The following FBN2 variants were observed in gnomAD, a reference collection of about 807,000 sequenced individuals.
FBN2 encodes the protein fibrillin-2.
A neutral mutation model predicts 355.6 loss-of-function variants in FBN2; 105 were observed. The observed-to-expected ratio is 0.30, with a 90% confidence interval of 0.25 to 0.35. The LOEUF (loss-of-function observed/expected upper bound fraction) is 0.35, where lower values mean the gene tolerates loss of function less well. Ranked by LOEUF, FBN2 falls within the 10% of genes least tolerant of loss-of-function variation. FBN2 has a pLI of 1.00. For missense variants in FBN2, 3,280 were observed against 3,758.7 expected, an observed-to-expected ratio of 0.87 and a Z score of 3.33; for synonymous variants, 1,350 against 1,301.2, an observed-to-expected ratio of 1.04 and a Z score of -0.81.
At chr5:128,399,375 A>G (rs1307861190) in intron 8 of FBN2, among the ~76,000 whole-genome samples, 1 of 152,218 alleles carries the variant, frequency 6.6e-6, no homozygotes, top group Non-Finnish European at 1.5e-5. Flanking sequence ...GTATACTCTG[A>G]TAAAATAACT....
intron 2 of FBN2, among the ~76,000 whole-genome samples, chr5:128,534,453 G>A (rs531028970): frequency 2.0e-5 from 3 of 152,134 alleles, no homozygotes; most frequent in Non-Finnish European, 4.4e-5. Context: ...TCCCTATTTT[G>A]TGCACTGTTT....
At chr5:128,409,267 T>C (rs1290385198) in intron 7 of FBN2, among the ~76,000 whole-genome samples, 2 of 152,204 alleles carry the variant, frequency 1.3e-5, no homozygotes, top group African/African-American at 4.8e-5. Flanking sequence ...CTTCAGGATA[T>C]GTTTTTGTAC....
Position 128,309,328 on chromosome 5 carries a change from T to C in FBN2, c.5272A>G (p.Thr1758Ala). The change falls in exon 41 of 65, where the codon ACA becomes GCA. Residue 1758 changes from threonine (T) to alanine (A), a missense_variant. Physicochemically the swap from Thr to Ala is moderately conservative, Grantham distance 58 (BLOSUM62 0). Around this residue, in one of 6 missense-constraint regions of FBN2, gnomAD observed 2,284 missense variants for 2,749.5 expected, o/e 0.83. Transcript: ENST00000262464. ...TCENELPFNV[T>A]KRMCCCTYNV... ...TATGTGCAGCAGCACATCCTTTTTGTCACATTGAAAGGCAACTCATTCTCA... is the reference window on the plus strand; with the variant it reads ...TATGTGCAGCAGCACATCCTTTTTGCCACATTGAAAGGCAACTCATTCTCA... 1 of 1,614,100 alleles carries C rather than the reference T, an allele frequency of 6.2e-7. No individual in the cohort carries two copies. Among genetic ancestry groups the C allele is most frequent in the South Asian group, 1.1e-5 (1 of 91,086 alleles).
intron 5 of FBN2, among the ~76,000 whole-genome samples, chr5:128,481,421 T>C (rs1183523492): frequency 2.6e-5 from 4 of 152,170 alleles, no homozygotes; most frequent in East Asian, 3.9e-4. Flanking sequence ...CAGGAGACTA[T>C]GCGTCATGCC....
chr5:128,289,034 C>A, intron 52 of FBN2, 93 bp downstream of exon 52: 2 of 1,299,856 alleles, frequency 1.5e-6, no homozygotes, highest in African/African-American at 1.5e-5. Flanking sequence ...ATTTGTAAAT[C>A]CCCCCATCAC....
intron 1 of FBN2, among the ~76,000 whole-genome samples, chr5:128,536,981 C>T (rs1253088249): frequency 1.3e-5 from 2 of 152,128 alleles, no homozygotes; most frequent in Non-Finnish European, 2.9e-5. Context: ...AGCGGCGGCC[C>T]CGACGTGGGG....
chr5:128,264,336 C>T (rs1765063508), intron 62 of FBN2, among the ~76,000 whole-genome samples: 3 of 9,718 alleles, frequency 3.1e-4, no homozygotes, highest in African/African-American at 2.1e-3. Flanking sequence ...ATCAGTTGAA[C>T]GAACAACTAG....
intron 7 of FBN2, among the ~76,000 whole-genome samples, chr5:128,432,899 G>C (rs532047020): frequency 9.9e-5 from 15 of 152,032 alleles, no homozygotes; most frequent in East Asian, 3.9e-4. Context: ...CATGGCAGAA[G>C]AAGAGGCACA....
intron 6 of FBN2, among the ~76,000 whole-genome samples, chr5:128,453,998 C>T (rs577448973): frequency 1.3e-4 from 20 of 151,548 alleles, no homozygotes; most frequent in South Asian, 4.2e-4. Context: ...TTGCCCCCCC[C>T]CCAAGTTTCT....
Position 128,338,029 on chromosome 5 carries a change from T to G in FBN2, c.3566A>C (p.His1189Pro), listed in dbSNP as rs863223566. Residue 1189 changes from histidine to proline, a missense_variant, in exon 27 of 65, where the codon CAC becomes CCC. Around this residue, in one of 6 missense-constraint regions of FBN2, gnomAD observed 2,284 missense variants for 2,749.5 expected, o/e 0.83. Coordinates refer to ENST00000262464, the MANE Select transcript of FBN2 (RefSeq NM_001999.4). ...GSFQCDCPLG[H>P]ELSPSREDCV... The stretch of plus-strand genomic sequence containing the variant: ...GTCCTCACGGGATGGTGACAGCTCG[T>G]GTCCCAGTGGGCAGTCACACTGAAA... 1 of 1,614,146 alleles carries G rather than the reference T, an allele frequency of 6.2e-7. No homozygotes were observed. The highest frequency in any genetic ancestry group is 8.5e-7 in the Non-Finnish European group (1 of 1,179,990).
In FBN2 at chr5:128,537,380, C is replaced by T; in HGVS notation, c.224G>A (p.Arg75His). Residue 75 changes from arginine to histidine, a missense_variant, in exon 1 of 65, where the codon CGC (arginine) becomes CAC (histidine). Around this residue, in one of 6 missense-constraint regions of FBN2, gnomAD observed 203 missense variants for 142.2 expected, o/e 1.43. Coordinates refer to ENST00000262464, the MANE Select transcript of FBN2 (RefSeq NM_001999.4). ...EEGAAVASRV[R>H]RRGQQDVLRG... The stretch of plus-strand genomic sequence containing the variant: ...GAGCACGTCCTGCTGTCCTCGCCGG[C>T]GGACGCGGCTGGCCACTGCGGCACC... The T allele has an allele frequency of 6.2e-7, 1 of 1,610,690 alleles. No homozygotes were observed. Among genetic ancestry groups the T allele is most frequent in the East Asian group, 2.2e-5 (1 of 44,842 alleles).
chr5:128,402,602 G>C (rs1752825527), intron 8 of FBN2, among the ~76,000 whole-genome samples: 1 of 152,194 alleles, frequency 6.6e-6, no homozygotes, highest in African/African-American at 2.4e-5. Flanking sequence ...ATTGGGGATT[G>C]TATGTTGAAA....
intron 1 of FBN2, 75 bp from the exon 2 acceptor site, chr5:128,536,559 A>G: frequency 2.0e-6 from 2 of 997,440 alleles, no homozygotes; most frequent in South Asian, 1.3e-5. Flanking sequence ...TTCGTAAGCA[A>G]TGCCCCGAGC....
At chr5:128,480,869 C>T (rs559313218) in intron 5 of FBN2, among the ~76,000 whole-genome samples, 1 of 150,256 alleles carries the variant, frequency 6.7e-6, no homozygotes, top group South Asian at 2.1e-4. Flanking sequence ...AGTGATATCG[C>T]AAGACTAAAG....
At chr5:128,513,721 T>TC (rs1756195858) in intron 5 of FBN2, among the ~76,000 whole-genome samples, 1 of 152,230 alleles carries the variant, frequency 6.6e-6, no homozygotes, top group Non-Finnish European at 1.5e-5. Context: ...TTTAAGTCCT[T>TC]CCTTTATACA....
intron 48 of FBN2, among the ~76,000 whole-genome samples, chr5:128,293,702 C>T (rs1749401956): frequency 6.6e-6 from 1 of 152,024 alleles, no homozygotes; most frequent in Admixed American, 6.6e-5. Context: ...TTCTATTTCC[C>T]TCCTAGTGGC....
intron 6 of FBN2, among the ~76,000 whole-genome samples, chr5:128,456,001 A>AAAAAAC (rs1754379352): frequency 7.4e-6 from 1 of 135,452 alleles, no homozygotes; most frequent in Non-Finnish European, 1.6e-5. Flanking sequence ...AAAAAAAAAA[A>AAAAAAC]AAAAAAAAAA....
At chr5:128,471,907 G>C (rs1754871127) in intron 5 of FBN2, among the ~76,000 whole-genome samples, 1 of 152,116 alleles carries the variant, frequency 6.6e-6, no homozygotes, top group African/African-American at 2.4e-5. Context: ...ACTTTAAAAA[G>C]ATATCTGATG....
chr5:128,349,382 C>T lies in FBN2; in HGVS notation c.2954G>A (p.Gly985Asp). The T allele has an allele frequency of 1.9e-6, 3 of 1,614,076 alleles. No individual in the cohort carries two copies. Among genetic ancestry groups the T allele is most frequent in the Non-Finnish European group, 2.5e-6 (3 of 1,180,010 alleles). The change falls in exon 23 of 65, where the codon GGC becomes GAC. Residue 985 changes from glycine to aspartate, a missense_variant. Around this residue, in one of 6 missense-constraint regions of FBN2, gnomAD observed 2,284 missense variants for 2,749.5 expected, o/e 0.83. Transcript: ENST00000262464. ...ACGGCCAGTCCCATCCAACGTAAGGCCTTCAGGGCACTCGCAATGAAAAGA... is the reference window on the plus strand; with the variant it reads ...ACGGCCAGTCCCATCCAACGTAAGGTCTTCAGGGCACTCGCAATGAAAAGA... Reference protein sequence around the residue: ...KGSFHCECPEGLTLDGTGRVC... With the variant: ...KGSFHCECPEDLTLDGTGRVC...
Sources: gnomAD v4.1 joint callset for allele counts (sites outside exome capture counted in the v4.1 genomes callset) on GRCh38, gnomAD v4.1.1 for gene constraint, gnomAD v4.1.1 regional missense constraint, MANE v1.5 for transcripts, NCBI Gene and HGNC (gene_info 2026-07-23, HGNC 2026-07-21) for gene names.